PTPRQ: variants seen among roughly 807,000 people sequenced by gnomAD.
PTPRQ encodes the protein protein tyrosine phosphatase receptor type Q, also known as phosphatidylinositol phosphatase PTPRQ.
In PTPRQ, 199 loss-of-function variants were observed where a neutral mutation model predicts 246.0. That is an observed-to-expected ratio of 0.81 (90% CI 0.72 to 0.91). PTPRQ has a LOEUF of 0.91. Among genes scored for constraint, PTPRQ ranks in the 40% least tolerant of loss-of-function variants. The pLI is 0.00. For missense variants in PTPRQ, 2,624 were observed against 2,528.4 expected, an observed-to-expected ratio of 1.04 and a Z score of -0.81; for synonymous variants, 869 against 853.2, an observed-to-expected ratio of 1.02 and a Z score of -0.32.
chr12:80,586,990 G>A lies in PTPRQ; in HGVS notation c.4286-1139G>A, dbSNP rs566557879. Among the ~76,000 whole-genome samples the A allele has an allele frequency of 2.0e-5, 3 of 152,178 alleles. No homozygotes were observed. In the South Asian group the frequency reaches 6.2e-4, roughly 32 times the overall value. On this transcript the variant is annotated intron_variant, in intron 25 of 44. Coordinates refer to ENST00000644991, the MANE Select transcript of PTPRQ (RefSeq NM_001145026.2). ...TGAACGTCTTCTGATTTTGTTCTCC[G>A]TGGAAGGTCTGGGAGCCAGTACCCT...
chr12:80,506,964 C>T (rs552874145), intron 16 of PTPRQ, among the ~76,000 whole-genome samples: 5 of 152,000 alleles, frequency 3.3e-5, no homozygotes, highest in South Asian at 2.1e-4. Flanking sequence ...TTGGTTTGAA[C>T]GTTAACTGAT....
intron 17 of PTPRQ, among the ~76,000 whole-genome samples, chr12:80,520,296 C>T (rs1027251833): frequency 3.3e-5 from 5 of 152,104 alleles, no homozygotes; most frequent in African/African-American, 1.2e-4. Context: ...GAATAAGTCT[C>T]ATCAGACCTG....
chr12:80,630,907 G>T (rs746138217), intron 33 of PTPRQ, among the ~76,000 whole-genome samples: 1 of 152,030 alleles, frequency 6.6e-6, no homozygotes, highest in Non-Finnish European at 1.5e-5. Flanking sequence ...AGTAGAGACG[G>T]GGTTTCACCA....
At chr12:80,583,947 C>G (rs1212442948) in intron 25 of PTPRQ, 1 of 152,168 alleles carries the variant, frequency 6.6e-6, no homozygotes, top group East Asian at 1.9e-4. Context: ...TTCTGTGTTC[C>G]TTATCATGCA....
At position 80,632,184 on chromosome 12, in the gene PTPRQ, T is replaced by C. The variant is rs1899463843; in HGVS notation, c.5687-8T>C. 6.5e-7 allele frequency: 1 copy of C among 1,550,316 alleles called. No homozygotes were observed. ...ATATTTAATGATCCTGTTATCCCTCTTCTCCAGGGGAAGGACTTTCAGAAA... is the reference window on the plus strand; with the variant it reads ...ATATTTAATGATCCTGTTATCCCTCCTCTCCAGGGGAAGGACTTTCAGAAA... On this transcript the variant is annotated splice_polypyrimidine_tract_variant and splice_region_variant and intron_variant, in intron 33 of 44. Coordinates refer to ENST00000644991, the MANE Select transcript of PTPRQ (RefSeq NM_001145026.2).
chr12:80,657,649 T>C (rs1900486893), intron 38 of PTPRQ, among the ~76,000 whole-genome samples: 1 of 151,824 alleles, frequency 6.6e-6, no homozygotes. Flanking sequence ...TTAAAAATAA[T>C]TAACTACATA....
intron 35 of PTPRQ, among the ~76,000 whole-genome samples, chr12:80,642,939 A>AAAAAC (rs1565837067): frequency 2.1e-5 from 3 of 144,610 alleles, no homozygotes; most frequent in African/African-American, 8.5e-5. Context: ...AAAAAAAAAA[A>AAAAAC]AAAAAAACAA....
intron 25 of PTPRQ, among the ~76,000 whole-genome samples, chr12:80,574,490 TG>T (rs1454087220): frequency 1.3e-5 from 2 of 152,188 alleles, no homozygotes; most frequent in African/African-American, 4.8e-5. Flanking sequence ...CCTCTGTTCT[TG>T]CTTTCTTTCT....
intron 16 of PTPRQ, among the ~76,000 whole-genome samples, chr12:80,507,912 A>G (rs1283004236): frequency 1.3e-5 from 2 of 152,060 alleles, no homozygotes; most frequent in Non-Finnish European, 2.9e-5. Flanking sequence ...TATATGTAGT[A>G]AAAATTTTAC....
chr12:80,546,835 A>G, intron 24 of PTPRQ, 138 bp downstream of exon 24: 1 of 1,027,756 alleles, frequency 9.7e-7, no homozygotes, highest in Non-Finnish European at 1.4e-6. Flanking sequence ...CTTTACGTTT[A>G]GTCTTGGTCT....
At chr12:80,618,993 T>C (rs1002250438) in intron 30 of PTPRQ, among the ~76,000 whole-genome samples, 1 of 151,566 alleles carries the variant, frequency 6.6e-6, no homozygotes, top group Non-Finnish European at 1.5e-5. Context: ...GGTGCTAGTA[T>C]GACTAGAACA....
At chr12:80,608,486 G>T (rs1335728591) in intron 27 of PTPRQ, among the ~76,000 whole-genome samples, 1 of 148,064 alleles carries the variant, frequency 6.8e-6, no homozygotes, top group Non-Finnish European at 1.5e-5. Flanking sequence ...TGCGTGCCAT[G>T]TCATATTTTG....
At chr12:80,531,032 A>G (rs1895828973) in intron 17 of PTPRQ, among the ~76,000 whole-genome samples, 2 of 152,080 alleles carry the variant, frequency 1.3e-5, no homozygotes, top group Admixed American at 1.3e-4. Flanking sequence ...GCTAAAAAAT[A>G]TATATATTTA....
At chr12:80,444,949 C>A (rs1243077320) in intron 2 of PTPRQ, 100 bp downstream of exon 2, 3 of 1,322,784 alleles carry the variant, frequency 2.3e-6, no homozygotes, top group East Asian at 7.1e-5. Context: ...ACATTAAATT[C>A]ATGAAAACAG....
chr12:80,604,944 G>A, intron 26 of PTPRQ, 115 bp from the exon 27 acceptor site: 1 of 1,081,310 alleles, frequency 9.2e-7, no homozygotes, highest in Non-Finnish European at 1.2e-6. Context: ...ATAAATTAAT[G>A]TAAAATTAAA....
At chr12:80,616,938 T>G (rs1282316373) in intron 30 of PTPRQ, among the ~76,000 whole-genome samples, 2 of 151,116 alleles carry the variant, frequency 1.3e-5, no homozygotes, top group Non-Finnish European at 3.0e-5. Flanking sequence ...TTATGCCATC[T>G]CTCTAAAAAT....
Position 80,542,894 on chromosome 12 carries a change from T to C in PTPRQ, c.3873+13T>C, listed in dbSNP as rs114345075. 2,057 of 1,405,704 alleles carry C rather than the reference T, an allele frequency of 1.5e-3. 25 individuals carry two copies. In the African/African-American group the frequency reaches 0.026, roughly 18 times the overall value. The allele number at this position is 1,405,704 out of a possible 1,614,324, so 87.1% of individuals were successfully genotyped here. A position where few individuals can be genotyped will look rare whatever the true frequency, so the allele number is the denominator to read the frequency against. Reference sequence around the variant, plus strand: ...TATATATTATAAGGTAGGTTGATTATAACAGTATATGTTTATTTTTAAAAA... The same window carrying C: ...TATATATTATAAGGTAGGTTGATTACAACAGTATATGTTTATTTTTAAAAA... On this transcript the variant is annotated intron_variant, in intron 23 of 44. Transcript: ENST00000644991.
At chr12:80,470,404 G>A (rs998981988) in intron 7 of PTPRQ, among the ~76,000 whole-genome samples, 145 of 152,144 alleles carry the variant, frequency 9.5e-4, no homozygotes, top group Non-Finnish European at 2.4e-4. Flanking sequence ...AGTGTAGTGG[G>A]AAGCAAGACT....
At chr12:80,471,474 A>ATTTTTTTTTTTTTTTTTTTTTTTTTTTTT (rs1176393485) in intron 7 of PTPRQ, among the ~76,000 whole-genome samples, 1 of 73,198 alleles carries the variant, frequency 1.4e-5, no homozygotes, top group Non-Finnish European at 2.4e-5. Context: ...ATTATTTAGC[A>ATTTTTTTTTTTTTTTTTTTTTTTTTTTTT]TTTTTTTTTT....
Sources: allele counts gnomAD v4.1 joint callset (sites outside exome capture counted in the v4.1 genomes callset), GRCh38; gene constraint gnomAD v4.1.1; transcripts MANE v1.5; gene names NCBI Gene and HGNC (gene_info 2026-07-23, HGNC 2026-07-21).